The following KCTD16 variants were observed in gnomAD, a reference collection of about 807,000 sequenced individuals.
The protein encoded by KCTD16 is BTB/POZ domain-containing protein KCTD16.
A neutral mutation model predicts 33.2 loss-of-function variants in KCTD16; 13 were observed. The observed-to-expected ratio is 0.39, with a 90% CI of 0.25 to 0.62. KCTD16 has a LOEUF of 0.62. KCTD16 is among the 20% of genes least tolerant of loss of function. The pLI is 0.50. For missense variants in KCTD16, 441 were observed against 525.1 expected, an observed-to-expected ratio of 0.84 and a Z score of 1.57; for synonymous variants, 197 against 195.3, an observed-to-expected ratio of 1.01 and a Z score of -0.07.
At chr5:144,260,736 G>GTT (rs111434052) in intron 3 of KCTD16, among the ~76,000 whole-genome samples, 1 of 151,600 alleles carries the variant, frequency 6.6e-6, no homozygotes, top group African/African-American at 2.4e-5. Flanking sequence ...ATGGTTGCCT[G>GTT]TTTTTTTTGT....
intron 3 of KCTD16, among the ~76,000 whole-genome samples, chr5:144,363,343 A>AT (rs150404670): frequency 0.019 from 2,868 of 151,282 alleles, 81 homozygotes; most frequent in African/African-American, 0.065. Context: ...CTCTGTCTCA[A>AT]TTTTTTTTTA....
chr5:144,336,214 A>G (rs1355025518), intron 3 of KCTD16, among the ~76,000 whole-genome samples: 1 of 152,218 alleles, frequency 6.6e-6, no homozygotes, highest in Non-Finnish European at 1.5e-5. Flanking sequence ...ATGCTGAAGG[A>G]GCTGGGATGC....
intron 2 of KCTD16, among the ~76,000 whole-genome samples, chr5:144,184,520 A>G (rs1262894667): frequency 6.6e-6 from 1 of 152,180 alleles, no homozygotes; most frequent in African/African-American, 2.4e-5. Flanking sequence ...TCTTTTGGAT[A>G]TATACTTAGA....
intron 3 of KCTD16, among the ~76,000 whole-genome samples, chr5:144,299,731 C>T: frequency 6.6e-6 from 1 of 151,868 alleles, no homozygotes; most frequent in East Asian, 1.9e-4. Context: ...GTACTAACTA[C>T]TACATTATTT....
chr5:144,463,652 G>T (rs1460293907), intron 3 of KCTD16, among the ~76,000 whole-genome samples: 1 of 152,166 alleles, frequency 6.6e-6, no homozygotes, highest in African/African-American at 2.4e-5. Flanking sequence ...GGGTCACACT[G>T]CCAGAGTATT....
chr5:144,267,751 A>G (rs1280260432), intron 3 of KCTD16, among the ~76,000 whole-genome samples: 1 of 152,174 alleles, frequency 6.6e-6, no homozygotes, highest in Non-Finnish European at 1.5e-5. Context: ...GCAAGTCACA[A>G]ATCTATGGTG....
intron 3 of KCTD16, among the ~76,000 whole-genome samples, chr5:144,431,011 C>G (rs909709271): frequency 3.3e-5 from 5 of 152,086 alleles, no homozygotes; most frequent in Non-Finnish European, 5.9e-5. Context: ...CCATAGTCCT[C>G]CTGAAGACCA....
intron 3 of KCTD16, among the ~76,000 whole-genome samples, chr5:144,363,080 G>A (rs977718574): frequency 1.3e-5 from 2 of 152,056 alleles, no homozygotes; most frequent in African/African-American, 4.8e-5. Flanking sequence ...TGCCAGGCAC[G>A]GTGGCTCATG....
chr5:144,434,011 G>C (rs1025019732), intron 3 of KCTD16, among the ~76,000 whole-genome samples: 1 of 152,160 alleles, frequency 6.6e-6, no homozygotes. Flanking sequence ...TTCACCAGCA[G>C]ACAGAGCCCT....
intron 3 of KCTD16, among the ~76,000 whole-genome samples, chr5:144,404,949 T>A (rs1002445339): frequency 6.6e-6 from 1 of 152,202 alleles, no homozygotes; most frequent in African/African-American, 2.4e-5. Context: ...TGAAAGGAAT[T>A]AAGACACATC....
At chr5:144,217,735 A>G (rs1373644999) in intron 3 of KCTD16, among the ~76,000 whole-genome samples, 2 of 152,256 alleles carry the variant, frequency 1.3e-5, no homozygotes, top group Admixed American at 1.3e-4. Flanking sequence ...ATGATTTTCT[A>G]GTACTTCTCC....
intron 3 of KCTD16, among the ~76,000 whole-genome samples, chr5:144,374,327 G>A (rs1482439568): frequency 6.6e-6 from 1 of 151,854 alleles, no homozygotes; most frequent in Non-Finnish European, 1.5e-5. Context: ...GATGTTTGAT[G>A]CATTCTTCTA....
Position 144,307,975 on chromosome 5 carries a change from GC to G in KCTD16, c.832+100431del, listed in dbSNP as rs753190351. 3.3e-5 allele frequency among the ~76,000 whole-genome samples: 5 copies of G among 152,338 alleles called. No homozygotes were observed. In the East Asian group the frequency reaches 7.7e-4, roughly 23 times the overall value. On this transcript the variant is annotated intron_variant, in intron 3 of 3. Coordinates refer to ENST00000512467, the MANE Select transcript of KCTD16 (RefSeq NM_020768.4). ...CATTTGCCATGCTAAGGAAAGAACA[GC>G]CGAATGTTAACCAGCACATTAATCA...
At chr5:144,228,845 G>A (rs2126810686) in intron 3 of KCTD16, among the ~76,000 whole-genome samples, 1 of 152,304 alleles carries the variant, frequency 6.6e-6, no homozygotes, top group South Asian at 2.1e-4. Context: ...AGTACATATA[G>A]TAATATGTAC....
chr5:144,235,888 T>G (rs2126816729), intron 3 of KCTD16, among the ~76,000 whole-genome samples: 1 of 152,192 alleles, frequency 6.6e-6, no homozygotes. Flanking sequence ...ATGTTCTCAT[T>G]TCTTCTCTAT....
intron 3 of KCTD16, among the ~76,000 whole-genome samples, chr5:144,445,977 T>A (rs1753809825): frequency 6.6e-6 from 1 of 152,024 alleles, no homozygotes; most frequent in Admixed American, 6.6e-5. Flanking sequence ...CTGCTGGCTC[T>A]TTGGGAGTTG....
At chr5:144,327,675 A>G (rs934912079) in intron 3 of KCTD16, among the ~76,000 whole-genome samples, 1 of 152,172 alleles carries the variant, frequency 6.6e-6, no homozygotes, top group Non-Finnish European at 1.5e-5. Flanking sequence ...TAAAAAAATG[A>G]CCCACAAAAA....
chr5:144,469,731 C>T (rs1754427576), intron 3 of KCTD16, among the ~76,000 whole-genome samples: 1 of 151,850 alleles, frequency 6.6e-6, no homozygotes, highest in Admixed American at 6.6e-5. Flanking sequence ...GACTCTGGCG[C>T]CTGAGACCTG....
chr5:144,228,071 CT>C (rs1453929930), intron 3 of KCTD16, among the ~76,000 whole-genome samples: 6 of 152,080 alleles, frequency 3.9e-5, no homozygotes, highest in Admixed American at 3.3e-4. Context: ...AGAGTTCAGG[CT>C]TAAGATATAA....
Sources: gnomAD v4.1 joint callset for allele counts (sites outside exome capture counted in the v4.1 genomes callset) on GRCh38, gnomAD v4.1.1 for gene constraint, MANE v1.5 for transcripts, NCBI Gene and HGNC (gene_info 2026-07-23, HGNC 2026-07-21) for gene names.